NRG1: variants seen among roughly 807,000 people sequenced by gnomAD.
NRG1 encodes the protein neuregulin 1.
NRG1 carries 18 observed loss-of-function variants against 63.8 expected under a neutral mutation model. The ratio of observed to expected loss-of-function variants is 0.28; its 90% CI spans 0.19 to 0.42. The LOEUF (loss-of-function observed/expected upper bound fraction) is 0.42, where lower values mean the gene tolerates loss of function less well. NRG1 is among the 10% of genes least tolerant of loss of function. NRG1 has a pLI of 1.00. For missense variants in NRG1, 762 were observed against 814.7 expected (o/e 0.94, Z 0.79); for synonymous variants, 302 against 301.3 (o/e 1.00, Z -0.02).
At chr8:32,052,434 C>T (rs1435387434) in intron 1 of NRG1, among the ~76,000 whole-genome samples, 1 of 151,896 alleles carries the variant, frequency 6.6e-6, no homozygotes, top group East Asian at 1.9e-4. Context: ...TGCCACCATG[C>T]CCCATTAATT....
intron 1 of NRG1, among the ~76,000 whole-genome samples, chr8:32,527,288 A>G (rs1206063982): frequency 6.6e-6 from 1 of 152,226 alleles, no homozygotes; most frequent in Admixed American, 6.5e-5. Flanking sequence ...ATATATACAT[A>G]CACATACAAC....
chr8:32,371,129 T>C (rs1368922271), intron 1 of NRG1, among the ~76,000 whole-genome samples: 2 of 152,086 alleles, frequency 1.3e-5, no homozygotes, highest in Non-Finnish European at 2.9e-5. Flanking sequence ...GGAGAATTGC[T>C]TGAACCCGGG....
intron 1 of NRG1, among the ~76,000 whole-genome samples, chr8:31,928,511 G>A (rs918513654): frequency 2.6e-5 from 4 of 152,046 alleles, no homozygotes; most frequent in Non-Finnish European, 5.9e-5. Context: ...CTACCCAAAG[G>A]GAAGGAAGTT....
intron 1 of NRG1, among the ~76,000 whole-genome samples, chr8:31,941,831 C>G (rs938534792): frequency 2.0e-5 from 3 of 152,036 alleles, no homozygotes; most frequent in Non-Finnish European, 2.9e-5. Context: ...TATACCTAAA[C>G]AAGGATGTGA....
chr8:32,684,959 A>G lies in NRG1; in HGVS notation c.503-42990A>G, dbSNP rs982405862. Among the ~76,000 whole-genome samples the G allele has an allele frequency of 2.0e-5, 3 of 152,262 alleles. No individual in the cohort carries two copies. In the East Asian group the frequency reaches 5.8e-4, roughly 29 times the overall value. On this transcript the variant is annotated intron_variant, in intron 5 of 11. Transcript: ENST00000356819. ...TTGAGTTTGAGATAATTTTAGATAT[A>G]CATATAGTTGTAGGAAATAATACAG...
intron 1 of NRG1, among the ~76,000 whole-genome samples, chr8:31,774,790 T>C (rs1818959088): frequency 1.3e-5 from 2 of 152,148 alleles, no homozygotes; most frequent in African/African-American, 4.8e-5. Context: ...AACAGACATT[T>C]CTCAAAAGAA....
intron 1 of NRG1, among the ~76,000 whole-genome samples, chr8:32,552,201 G>A (rs1190961373): frequency 1.4e-5 from 2 of 141,282 alleles, no homozygotes; most frequent in African/African-American, 5.3e-5. Flanking sequence ...GAGCCACGGC[G>A]CTTGGCCGCT....
chr8:32,660,544 T>A (rs1421636563), intron 5 of NRG1, among the ~76,000 whole-genome samples: 1 of 152,216 alleles, frequency 6.6e-6, no homozygotes, highest in Non-Finnish European at 1.5e-5. Context: ...TTTAAAAAAT[T>A]CACATCATGG....
chr8:31,720,624 TTTTG>T (rs963317491), intron 1 of NRG1, among the ~76,000 whole-genome samples: 4 of 152,218 alleles, frequency 2.6e-5, no homozygotes, highest in Non-Finnish European at 4.4e-5. Context: ...CAAACCGTTT[TTTTG>T]TTTGTTTGTT....
At chr8:32,056,104 A>G (rs556889585) in intron 1 of NRG1, among the ~76,000 whole-genome samples, 49 of 152,248 alleles carry the variant, frequency 3.2e-4, no homozygotes, top group African/African-American at 1.2e-3. Flanking sequence ...CAGAATGCCA[A>G]GTTATCAATT....
chr8:32,047,576 T>C (rs192343360), intron 1 of NRG1, among the ~76,000 whole-genome samples: 70 of 152,136 alleles, frequency 4.6e-4, no homozygotes, highest in African/African-American at 1.4e-3. Flanking sequence ...TCCTGAAAAG[T>C]GTGGCTGAGG....
chr8:32,462,335 A>G (rs1412599339), intron 1 of NRG1, among the ~76,000 whole-genome samples: 2 of 152,120 alleles, frequency 1.3e-5, no homozygotes, highest in Non-Finnish European at 2.9e-5. Flanking sequence ...TATTAGATAA[A>G]AGTGATTTCA....
At chr8:32,414,091 G>A (rs529725370) in intron 1 of NRG1, among the ~76,000 whole-genome samples, 3 of 152,246 alleles carry the variant, frequency 2.0e-5, no homozygotes, top group African/African-American at 4.8e-5. Context: ...GTGAGGTAAG[G>A]CATGTTCTAA....
intron 1 of NRG1, chr8:32,098,883 C>G (rs904960716): frequency 2.6e-5 from 4 of 152,202 alleles, no homozygotes; most frequent in Non-Finnish European, 2.9e-5. Flanking sequence ...TCCACATAAC[C>G]ATGGGTAGCC....
intron 1 of NRG1, among the ~76,000 whole-genome samples, chr8:31,788,827 A>C (rs2202262): frequency 0.23 from 35,474 of 152,134 alleles, 4,353 homozygotes; most frequent in Admixed American, 0.26. Flanking sequence ...CTTGACTAAC[A>C]ACAAGTAAGT....
chr8:32,269,433 T>C (rs942972444), intron 1 of NRG1, among the ~76,000 whole-genome samples: 1 of 152,144 alleles, frequency 6.6e-6, no homozygotes, highest in East Asian at 1.9e-4. Flanking sequence ...TGCCAACGAT[T>C]CTTATTAACC....
At chr8:32,438,268 T>C (rs1325437108) in intron 1 of NRG1, among the ~76,000 whole-genome samples, 1 of 152,228 alleles carries the variant, frequency 6.6e-6, no homozygotes, top group Non-Finnish European at 1.5e-5. Flanking sequence ...CCATAGAGTA[T>C]ATAACTTTCA....
intron 1 of NRG1, among the ~76,000 whole-genome samples, chr8:32,288,543 T>C (rs1233277248): frequency 5.3e-5 from 8 of 152,234 alleles, no homozygotes; most frequent in Non-Finnish European, 7.3e-5. Flanking sequence ...AAGATTTTTA[T>C]GGCATGCTCG....
chr8:31,863,094 ACTGATTCTCCAACTATCAATCTG>A (rs891486562), intron 1 of NRG1, among the ~76,000 whole-genome samples: 88 of 152,276 alleles, frequency 5.8e-4, no homozygotes, highest in African/African-American at 2.1e-3. Context: ...CCATTTCCTG[ACTGATTCTCCAACTATCAATCTG>A]CTTGTAAGCA....
Sources: allele counts gnomAD v4.1 joint callset (sites outside exome capture counted in the v4.1 genomes callset), GRCh38; gene constraint gnomAD v4.1.1; transcripts MANE v1.5; gene names NCBI Gene and HGNC (gene_info 2026-07-23, HGNC 2026-07-21).